The following PTPRD variants were observed in gnomAD, a reference collection of about 807,000 sequenced individuals.
PTPRD encodes receptor-type tyrosine-protein phosphatase delta.
In PTPRD, 34 loss-of-function variants were observed where a neutral mutation model predicts 214.5. The ratio of observed to expected loss-of-function variants is 0.16; its 90% CI spans 0.12 to 0.21. The LOEUF is 0.21. Ranked by LOEUF, PTPRD falls within the 10% of genes least tolerant of loss-of-function variation. The pLI, the probability that PTPRD is intolerant of heterozygous loss-of-function variation, is 1.00. For synonymous variants in PTPRD, 1,128 were observed against 845.7 expected (o/e 1.33, Z -5.79); for missense variants, 2,545 against 2,398.7 (o/e 1.06, Z -1.27).
chr9:8,967,969 G>T (rs1040929799), intron 11 of PTPRD, among the ~76,000 whole-genome samples: 1 of 151,794 alleles, frequency 6.6e-6, no homozygotes, highest in East Asian at 2.0e-4. Flanking sequence ...TGTTCTCATT[G>T]TTCAATTCCT....
chr9:9,783,935 C>A (rs531731163), intron 5 of PTPRD, among the ~76,000 whole-genome samples: 1 of 151,502 alleles, frequency 6.6e-6, no homozygotes, highest in African/African-American at 2.4e-5. Flanking sequence ...GAGACTAAAG[C>A]CATAGGTTAG....
intron 2 of PTPRD, among the ~76,000 whole-genome samples, chr9:10,578,859 C>T (rs13283650): frequency 0.18 from 27,767 of 151,908 alleles, 2,828 homozygotes; most frequent in East Asian, 0.26. Flanking sequence ...ACCCAATAGT[C>T]GTGTTTTGTT....
chr9:9,668,402 C>T lies in PTPRD; in HGVS notation c.-287+66131G>A, dbSNP rs541589772. ...TGCAGTCTTCAAAGTCTAAATTAGG[C>T]CTGATTTGGTTACCCTGAGACATAC... On this transcript the variant is annotated intron_variant, in intron 7 of 45. Coordinates refer to ENST00000381196, the MANE Select transcript of PTPRD (RefSeq NM_002839.4). Among the ~76,000 whole-genome samples, 446 of 152,206 alleles carry T rather than the reference C, an allele frequency of 2.9e-3. 2 individuals carry two copies. The highest frequency in any genetic ancestry group is 0.01 in the African/African-American group (423 of 41,544).
At chr9:9,330,542 A>G (rs1043866114) in intron 9 of PTPRD, among the ~76,000 whole-genome samples, 4 of 152,142 alleles carry the variant, frequency 2.6e-5, no homozygotes, top group Non-Finnish European at 5.9e-5. Context: ...GTCATATAGT[A>G]AATACAATAA....
chr9:9,920,654 C>T (rs1428886443), intron 5 of PTPRD, among the ~76,000 whole-genome samples: 3 of 152,136 alleles, frequency 2.0e-5, no homozygotes, highest in African/African-American at 7.2e-5. Context: ...GCTCACTGCT[C>T]AGGTTCCAGG....
intron 3 of PTPRD, among the ~76,000 whole-genome samples, chr9:10,210,940 A>C (rs927311498): frequency 1.3e-5 from 2 of 150,492 alleles, no homozygotes; most frequent in Non-Finnish European, 3.0e-5. Context: ...CATTCCATAA[A>C]ATTCACCTAT....
At chr9:9,748,453 C>A (rs10816175) in intron 6 of PTPRD, among the ~76,000 whole-genome samples, 6,731 of 152,002 alleles carry the variant, frequency 0.044, 747 homozygotes, top group East Asian at 0.4. Flanking sequence ...AAAATAAAGA[C>A]GAAAAAAGAT....
At chr9:10,370,748 C>G (rs529149926) in intron 2 of PTPRD, among the ~76,000 whole-genome samples, 1 of 151,878 alleles carries the variant, frequency 6.6e-6, no homozygotes, top group African/African-American at 2.4e-5. Flanking sequence ...TACATGCATC[C>G]CTTTTTAAAG....
In PTPRD at chr9:10,545,861, A is replaced by T. The variant is rs549498301; in HGVS notation, c.-600+66537T>A. Among the ~76,000 whole-genome samples the T allele has an allele frequency of 3.3e-5, 5 of 152,230 alleles. No individual in the cohort carries two copies. The South Asian group carries it at 8.3e-4, about 25-fold the overall frequency. ...TGAGTTTTCCTAAATTTGTACTATT[A>T]TTCCATGGAACACAAGGCACAGCAG... On this transcript the variant is annotated intron_variant, in intron 2 of 45. Coordinates refer to ENST00000381196, the MANE Select transcript of PTPRD (RefSeq NM_002839.4).
chr9:9,476,015 C>G (rs1045041551), intron 8 of PTPRD, among the ~76,000 whole-genome samples: 1 of 152,090 alleles, frequency 6.6e-6, no homozygotes, highest in African/African-American at 2.4e-5. Context: ...GTCTCATAGA[C>G]TGTACATTAT....
At chr9:9,400,531 G>GT (rs938029511) in intron 8 of PTPRD, among the ~76,000 whole-genome samples, 30 of 151,700 alleles carry the variant, frequency 2.0e-4, no homozygotes, top group Admixed American at 1.3e-4. Context: ...CAAAAAAAAA[G>GT]TTTTTTTTCA....
chr9:9,216,674 A>G (rs745612993), intron 9 of PTPRD, among the ~76,000 whole-genome samples: 2 of 152,134 alleles, frequency 1.3e-5, no homozygotes, highest in Non-Finnish European at 2.9e-5. Flanking sequence ...TAGAAAGACC[A>G]AGCTTGGTAT....
chr9:8,390,802 T>A (rs1477954542), intron 36 of PTPRD, among the ~76,000 whole-genome samples: 1 of 152,136 alleles, frequency 6.6e-6, no homozygotes. Context: ...AGAGAAAGAA[T>A]GCATATTATA....
At chr9:10,096,328 C>A (rs1196333866) in intron 3 of PTPRD, among the ~76,000 whole-genome samples, 1 of 151,638 alleles carries the variant, frequency 6.6e-6, no homozygotes, top group East Asian at 1.9e-4. Flanking sequence ...CTCTATACAT[C>A]ACCCCTTTTA....
At chr9:8,634,955 T>A (rs999346760) in intron 13 of PTPRD, among the ~76,000 whole-genome samples, 1 of 151,246 alleles carries the variant, frequency 6.6e-6, no homozygotes, top group African/African-American at 2.4e-5. Context: ...GACACCATAC[T>A]TAGCACTGGG....
At chr9:9,191,578 T>C (rs1354325689) in intron 9 of PTPRD, among the ~76,000 whole-genome samples, 4 of 152,124 alleles carry the variant, frequency 2.6e-5, no homozygotes, top group African/African-American at 9.7e-5. Flanking sequence ...CCTATCTAAG[T>C]ATACTGTCCC....
chr9:9,255,430 T>G (rs1201173583), intron 9 of PTPRD, among the ~76,000 whole-genome samples: 1 of 152,046 alleles, frequency 6.6e-6, no homozygotes, highest in African/African-American at 2.4e-5. Flanking sequence ...TCTTTATATA[T>G]TTAAAGGATT....
chr9:9,735,755 T>C (rs1053207527), intron 6 of PTPRD, among the ~76,000 whole-genome samples: 1 of 152,140 alleles, frequency 6.6e-6, no homozygotes, highest in Non-Finnish European at 1.5e-5. Context: ...GTAAAACGGA[T>C]GATCTATCTC....
intron 11 of PTPRD, among the ~76,000 whole-genome samples, chr9:8,876,427 G>A (rs1264794186): frequency 1.3e-5 from 2 of 152,102 alleles, no homozygotes; most frequent in Non-Finnish European, 2.9e-5. Context: ...GTGATTTTCT[G>A]TGGGAAAAAA....
Sources: gnomAD v4.1 joint callset for allele counts (sites outside exome capture counted in the v4.1 genomes callset) on GRCh38, gnomAD v4.1.1 for gene constraint, MANE v1.5 for transcripts, NCBI Gene and HGNC (gene_info 2026-07-23, HGNC 2026-07-21) for gene names.